Variants in ZDHHC22 observed in about 807,000 individuals in gnomAD.
ZDHHC22 encodes palmitoyltransferase ZDHHC22.
A neutral mutation model predicts 17.0 loss-of-function variants in ZDHHC22; 13 were observed. The ratio of observed to expected loss-of-function variants is 0.76; its 90% CI spans 0.50 to 1.21. The LOEUF (loss-of-function observed/expected upper bound fraction) is 1.21. ZDHHC22 is among the 50% of genes most tolerant of loss of function. The pLI, the probability that ZDHHC22 is intolerant of heterozygous loss-of-function variation, is 0.00. For missense variants in ZDHHC22, 319 were observed against 342.3 expected (o/e 0.93, Z 0.54); for synonymous variants, 138 against 154.7 (o/e 0.89, Z 0.80).
intron 2 of ZDHHC22, among the ~76,000 whole-genome samples, chr14:77,137,421 T>C (rs1235888363): frequency 3.9e-5 from 6 of 152,204 alleles, no homozygotes; most frequent in African/African-American, 1.4e-4. Flanking sequence ...TTCAAGGTCT[T>C]CCTTCTGGAA....
chr14:77,139,199 C>A lies in ZDHHC22; in HGVS notation c.526+14G>T. On this transcript the variant is annotated intron_variant, in intron 2 of 2. Transcript: ENST00000319374. ...TTTGTGTAGAGCCCAACCTGCCCGC[C>A]AAGGCCCACTCACCGGAGAAGAACT... The A allele has an allele frequency of 6.4e-7, 1 of 1,560,530 alleles. No individual in the cohort carries two copies. The highest frequency in any genetic ancestry group is 1.2e-5 in the South Asian group (1 of 84,834).
chr14:77,139,297 T>TGTAG lies in ZDHHC22; in HGVS notation c.438_441dup (p.Ile148LeufsTer36). The TGTAG allele has an allele frequency of 6.3e-7, 1 of 1,599,012 alleles. No individual in the cohort carries two copies. Among genetic ancestry groups the TGTAG allele is most frequent in the East Asian group, 2.3e-5 (1 of 44,228 alleles). On this transcript the variant is annotated frameshift_variant, in exon 2 of 3. Transcript: ENST00000319374. LOFTEE classifies it high-confidence loss of function. ...AAGGAGATGGAAAGGACAGCGGAGA[T>TGTAG]GTAGGCCACGCCGGCCACCATGGAG... is the stretch of plus-strand genomic sequence containing the variant.
intron 2 of ZDHHC22, 23 bp from the exon 3 acceptor site, chr14:77,133,971 A>G (rs973351117): frequency 1.3e-6 from 2 of 1,536,026 alleles, no homozygotes; most frequent in Non-Finnish European, 1.8e-6. Context: ...GGGAGGGGAA[A>G]CACCAGAGCC....
At position 77,132,918 on chromosome 14, in the gene ZDHHC22, C is replaced by A. The variant is rs925761208; in HGVS notation, c.*765G>T. ...ATCTTTCCCTGTCCCTTCTTCCTTG[C>A]CTTCCCATCATCTGGCAAAGACCTG... On this transcript the variant is annotated 3_prime_UTR_variant, in exon 3 of 3. Transcript: ENST00000319374. 1.3e-5 allele frequency: 2 copies of A among 151,436 alleles called. No individual in the cohort carries two copies. Among genetic ancestry groups the A allele is most frequent in the African/African-American group, 4.9e-5 (2 of 41,162 alleles). 9.4% of individuals were successfully genotyped at this position (151,436 alleles called of 1,614,324 possible). A position where few individuals can be genotyped will look rare whatever the true frequency, so the allele number is the denominator to read the frequency against.
intron 2 of ZDHHC22, among the ~76,000 whole-genome samples, chr14:77,135,892 C>T (rs1887127279): frequency 6.6e-6 from 1 of 152,224 alleles, no homozygotes. Flanking sequence ...AAAGGCTATT[C>T]TGGGGACCTG....
chr14:77,135,041 A>ATC (rs1433755010), intron 2 of ZDHHC22, among the ~76,000 whole-genome samples: 1 of 152,196 alleles, frequency 6.6e-6, no homozygotes, highest in African/African-American at 2.4e-5. Flanking sequence ...TTCAGGGCTT[A>ATC]GAGTCCTGGC....
chr14:77,134,072 T>C (rs894632583), intron 2 of ZDHHC22, 124 bp from the exon 3 acceptor site: 10 of 1,230,142 alleles, frequency 8.1e-6, no homozygotes, highest in African/African-American at 7.7e-5. Flanking sequence ...CTACATTTTG[T>C]AGCAACCTCA....
intron 2 of ZDHHC22, among the ~76,000 whole-genome samples, chr14:77,136,540 C>G (rs1887139761): frequency 6.6e-6 from 1 of 152,166 alleles, no homozygotes; most frequent in South Asian, 2.1e-4. Flanking sequence ...AGAGGTGACA[C>G]AGCAACCTGT....
chr14:77,139,448 G>A lies in ZDHHC22; in HGVS notation c.291C>T (p.Cys97=), dbSNP rs751385867. 2 of 1,612,888 alleles carry A rather than the reference G, an allele frequency of 1.2e-6. No individual in the cohort carries two copies. The highest frequency in any genetic ancestry group is 1.7e-5 in the Admixed American group (1 of 59,850). ...TPCPSPSTHF[C]RVCARVTLRH... The stretch of plus-strand genomic sequence containing the variant: ...TCAGGGTGACTCTGGCGCACACTCG[G>A]CAGAAGTGGGTGCTAGGTGAGGGGC... Residue 97 remains cysteine (C), a synonymous_variant, in exon 2 of 3, where the codon TGC becomes TGT. Coordinates refer to ENST00000319374, the MANE Select transcript of ZDHHC22 (RefSeq NM_174976.2).
chr14:77,138,653 C>T lies in ZDHHC22; in HGVS notation c.526+560G>A, dbSNP rs559412585. ...TGGAGAACAGGCTGGTGAGGTCAAA[C>T]ATAATAGGCAGGAGGACAGAGCTTA... On this transcript the variant is annotated intron_variant, in intron 2 of 2. Transcript: ENST00000319374. Among the ~76,000 whole-genome samples, 9 of 152,224 alleles carry T rather than the reference C, an allele frequency of 5.9e-5. No homozygotes were observed. The South Asian group carries it at 8.3e-4, about 14-fold the overall frequency.
At chr14:77,139,159 T>C (rs1887193700) in intron 2 of ZDHHC22, 54 bp downstream of exon 2, 1 of 1,513,468 alleles carries the variant, frequency 6.6e-7, no homozygotes, top group African/African-American at 1.4e-5. Flanking sequence ...CCGGCAACCT[T>C]TGGGGTGGGA....
chr14:77,137,965 A>T (rs1887170748), intron 2 of ZDHHC22, among the ~76,000 whole-genome samples: 1 of 152,158 alleles, frequency 6.6e-6, no homozygotes, highest in Non-Finnish European at 1.5e-5. Flanking sequence ...GAGGCAGACC[A>T]GAGACTGCCA....
Position 77,141,603 on chromosome 14 carries a change from C to A in ZDHHC22, c.-15G>T. ...CAGAGGGGTGAGGAAATCAACTCAC[C>A]GAGCTCTGGTCGCCGACAAGAGGAG... On this transcript the variant is annotated splice_region_variant and 5_prime_UTR_variant, in exon 1 of 3. Coordinates refer to ENST00000319374, the MANE Select transcript of ZDHHC22 (RefSeq NM_174976.2). The A allele has an allele frequency of 6.5e-6, 1 of 153,332 alleles. No homozygotes were observed. Among genetic ancestry groups the A allele is most frequent in the South Asian group, 1.8e-4 (1 of 5,658 alleles). The allele number at this position is 153,332 out of a possible 1,614,324, so 9.5% of individuals were successfully genotyped here.
chr14:77,133,217 GA>G lies in ZDHHC22; in HGVS notation c.*465del, dbSNP rs907679540. 1.9e-5 allele frequency: 3 copies of G among 156,600 alleles called. No individual in the cohort carries two copies. Among genetic ancestry groups the G allele is most frequent in the Non-Finnish European group, 2.8e-5 (2 of 70,820 alleles). 9.7% of individuals were successfully genotyped at this position (156,600 alleles called of 1,614,324 possible). On this transcript the variant is annotated 3_prime_UTR_variant, in exon 3 of 3. Transcript: ENST00000319374. ...AACTCCCCTAGCAGTTGGCAGAGCTGACTTGGCTGCCTCTTACACGTGGTGA... is the reference window on the plus strand; with the variant it reads ...AACTCCCCTAGCAGTTGGCAGAGCTGCTTGGCTGCCTCTTACACGTGGTGA...
chr14:77,134,547 C>T (rs901954112), intron 2 of ZDHHC22, among the ~76,000 whole-genome samples: 2 of 152,178 alleles, frequency 1.3e-5, no homozygotes, highest in African/African-American at 4.8e-5. Flanking sequence ...ATAATTCAGT[C>T]ATTAATGTTA....
At chr14:77,139,776 G>T in intron 1 of ZDHHC22, 24 bp from the exon 2 acceptor site, 3 of 1,455,120 alleles carry the variant, frequency 2.1e-6, no homozygotes, top group Non-Finnish European at 2.7e-6. Context: ...GGTGAGAAGA[G>T]GACTGACTGA....
chr14:77,134,048 T>A, intron 2 of ZDHHC22, 100 bp from the exon 3 acceptor site: 3 of 1,338,104 alleles, frequency 2.2e-6, no homozygotes, highest in Non-Finnish European at 3.0e-6. Context: ...GGAGGGAGAT[T>A]AATGAGATTG....
Position 77,139,705 on chromosome 14 carries a change from G to T in ZDHHC22, c.34C>A (p.Pro12Thr), listed in dbSNP as rs1423284589. ...LALRLLNVVA[P>T]AYFLCISLVT... ...AGGGAGATGCACAAGAAGTAGGCGG[G>T]GGCCACCACGTTGAGCAGCCGCAGG... Residue 12 changes from proline (P) to threonine (T), a missense_variant, in exon 2 of 3, where the codon CCC (proline) becomes ACC (threonine). Pro to Thr is a conservative substitution (Grantham distance 38, BLOSUM62 -1). Coordinates refer to ENST00000319374, the MANE Select transcript of ZDHHC22 (RefSeq NM_174976.2). 2.0e-6 allele frequency: 3 copies of T among 1,523,660 alleles called. No individual in the cohort carries two copies. The highest frequency in any genetic ancestry group is 2.6e-6 in the Non-Finnish European group (3 of 1,135,986). The allele number at this position is 1,523,660 out of a possible 1,614,324, so 94.4% of individuals were successfully genotyped here. A position where few individuals can be genotyped will look rare whatever the true frequency, so the allele number is the denominator to read the frequency against.
rs1218978243 is a variant in ZDHHC22, at chr14:77,139,601, G to A, written c.138C>T (p.Pro46=). 5 of 1,590,580 alleles carry A rather than the reference G, an allele frequency of 3.1e-6. No individual in the cohort carries two copies. In the African/African-American group the frequency reaches 5.4e-5, roughly 17 times the overall value. The change falls in exon 2 of 3, where the codon CCC becomes CCT. Residue 46 remains proline, a synonymous_variant. Transcript: ENST00000319374. ...EDPAAARLFS[P]ALLHGALFLF... is the part of the protein sequence containing the mutation. ...GGAAGAGCGCCCCGTGGAGCAGGGC[G>A]GGCGAGAAGAGCCGGGCGGCCGCGG...
Sources: gnomAD v4.1 joint callset for allele counts (sites outside exome capture counted in the v4.1 genomes callset) on GRCh38, gnomAD v4.1.1 for gene constraint, MANE v1.5 for transcripts, NCBI Gene and HGNC (gene_info 2026-07-23, HGNC 2026-07-21) for gene names.